The following SLC24A2 variants were observed in gnomAD, a reference collection of about 807,000 sequenced individuals.
SLC24A2 encodes sodium/potassium/calcium exchanger 2.
Under a neutral mutation model 62.0 loss-of-function variants are expected in SLC24A2, and 36 were observed. That is an observed-to-expected ratio of 0.58 (90% CI 0.44 to 0.77). SLC24A2 has a LOEUF of 0.77. Among genes scored for constraint, SLC24A2 ranks in the 30% least tolerant of loss-of-function variants. SLC24A2 has a pLI of 0.00. For synonymous variants in SLC24A2, 358 were observed against 294.0 expected (o/e 1.22, Z -2.23); for missense variants, 846 against 817.9 (o/e 1.03, Z -0.42).
At chr9:20,040,248 A>T in the SLC24A2 span, among the ~76,000 whole-genome samples, 1 of 152,210 alleles carries the variant, frequency 6.6e-6, no homozygotes, top group Non-Finnish European at 1.5e-5. Context: ...GCTATTAAAA[A>T]TCTTGGTGCT....
chr9:19,585,167 C>A (rs1836334791), intron 5 of SLC24A2, among the ~76,000 whole-genome samples: 1 of 152,120 alleles, frequency 6.6e-6, no homozygotes, highest in Non-Finnish European at 1.5e-5. Context: ...TTTTTTTCCT[C>A]ATTTCCTCTA....
chr9:19,545,477 A>C lies in SLC24A2; in HGVS notation c.1479+4660T>G, dbSNP rs151122809. ...ATCCATTTTTGTTCCATTGCTGGTGAGGAGTTGTCATCCTTGAGAAGAGGT... is the reference window on the plus strand; with the variant it reads ...ATCCATTTTTGTTCCATTGCTGGTGCGGAGTTGTCATCCTTGAGAAGAGGT... On this transcript the variant is annotated intron_variant, in intron 8 of 10. Transcript: ENST00000341998. 2.4e-3 allele frequency among the ~76,000 whole-genome samples: 363 copies of C among 151,998 alleles called. 3 individuals are homozygous for C. Among genetic ancestry groups the C allele is most frequent in the African/African-American group, 8.1e-3 (338 of 41,492 alleles).
intron 7 of SLC24A2, among the ~76,000 whole-genome samples, chr9:19,569,605 T>C (rs1056800463): frequency 3.9e-5 from 6 of 152,152 alleles, no homozygotes; most frequent in African/African-American, 1.4e-4. Context: ...TGCCCCACTA[T>C]TGCCATAAAC....
intron 2 of SLC24A2, among the ~76,000 whole-genome samples, chr9:19,626,457 G>C (rs1216366717): frequency 1.3e-5 from 2 of 152,056 alleles, no homozygotes; most frequent in Non-Finnish European, 2.9e-5. Context: ...AGATATAGAA[G>C]AACAATAAAC....
At chr9:19,766,215 C>G (rs1822510525) in intron 2 of SLC24A2, among the ~76,000 whole-genome samples, 1 of 152,184 alleles carries the variant, frequency 6.6e-6, no homozygotes. Flanking sequence ...TATCAAGGTT[C>G]TTAGCTTCCT....
intron 2 of SLC24A2, among the ~76,000 whole-genome samples, chr9:19,633,279 G>A (rs919340369): frequency 6.6e-6 from 1 of 152,212 alleles, no homozygotes; most frequent in African/African-American, 2.4e-5. Context: ...ATGAGTTTCT[G>A]TGTAACTATG....
At chr9:20,299,501 T>C in the SLC24A2 span, among the ~76,000 whole-genome samples, 1 of 152,198 alleles carries the variant, frequency 6.6e-6, no homozygotes, top group African/African-American at 2.4e-5. Context: ...GATCACTCCC[T>C]TGAGGGGGCT....
chr9:20,229,780 C>G, the SLC24A2 span, among the ~76,000 whole-genome samples: 2 of 151,794 alleles, frequency 1.3e-5, no homozygotes, highest in East Asian at 1.9e-4. Context: ...CTGTGCACAA[C>G]GTGCAGGTTT....
At chr9:20,260,738 T>C in the SLC24A2 span, among the ~76,000 whole-genome samples, 1 of 152,132 alleles carries the variant, frequency 6.6e-6, no homozygotes, top group Non-Finnish European at 1.5e-5. Flanking sequence ...GCTGAGCTTT[T>C]GGTGCACCTA....
At chr9:20,094,601 G>A in the SLC24A2 span, among the ~76,000 whole-genome samples, 19 of 152,006 alleles carry the variant, frequency 1.2e-4, no homozygotes, top group Non-Finnish European at 2.4e-4. Context: ...AAAAATCACC[G>A]GTTATTGATG....
the SLC24A2 span, among the ~76,000 whole-genome samples, chr9:20,248,411 G>C: frequency 6.6e-6 from 1 of 152,226 alleles, no homozygotes; most frequent in Non-Finnish European, 1.5e-5. Context: ...CACAGTTCTG[G>C]AGGTTGGGAA....
At chr9:19,653,493 T>A (rs1360752907) in intron 2 of SLC24A2, among the ~76,000 whole-genome samples, 1 of 152,218 alleles carries the variant, frequency 6.6e-6, no homozygotes, top group Non-Finnish European at 1.5e-5. Flanking sequence ...TGTGAATGCA[T>A]ATCCTCATGA....
At chr9:19,960,057 G>A in the SLC24A2 span, among the ~76,000 whole-genome samples, 1 of 152,192 alleles carries the variant, frequency 6.6e-6, no homozygotes, top group Non-Finnish European at 1.5e-5. Flanking sequence ...CCTGCAGAAA[G>A]TGTGTCCGTT....
At chr9:20,141,268 C>T in the SLC24A2 span, among the ~76,000 whole-genome samples, 7 of 152,062 alleles carry the variant, frequency 4.6e-5, no homozygotes, top group African/African-American at 1.7e-4. Context: ...CTATCTCTTC[C>T]ATGTCTCAGC....
In SLC24A2 at chr9:19,509,398, A is replaced by T. The variant is rs1832627238; in HGVS notation, c.*6755T>A. 6.6e-6 allele frequency: 1 copy of T among 152,160 alleles called. No individual in the cohort carries two copies. The highest frequency in any genetic ancestry group is 2.4e-5 in the African/African-American group (1 of 41,454). The allele number at this position is 152,160 out of a possible 1,614,324, so 9.4% of individuals were successfully genotyped here. On this transcript the variant is annotated 3_prime_UTR_variant, in exon 11 of 11. Transcript: ENST00000341998. ...TAGTTAATAAAAAATAGAACAGATA[A>T]ACTCCAATTTACAATAAACAATACA... is the stretch of plus-strand genomic sequence containing the variant.
the SLC24A2 span, among the ~76,000 whole-genome samples, chr9:20,087,256 C>A: frequency 2.0e-5 from 3 of 152,136 alleles, no homozygotes; most frequent in African/African-American, 7.2e-5. Context: ...TTGTTCTAAA[C>A]CCTGATGATA....
At chr9:20,146,739 A>T in the SLC24A2 span, among the ~76,000 whole-genome samples, 1 of 152,046 alleles carries the variant, frequency 6.6e-6, no homozygotes, top group African/African-American at 2.4e-5. Context: ...TGTATTTTCA[A>T]TTCCAAATGC....
chr9:19,614,331 T>A (rs1347262251), intron 4 of SLC24A2, among the ~76,000 whole-genome samples: 1 of 152,214 alleles, frequency 6.6e-6, no homozygotes, highest in Non-Finnish European at 1.5e-5. Context: ...TCATGAACAA[T>A]GTCCTGTTCA....
At chr9:19,584,878 A>T (rs1183633627) in intron 5 of SLC24A2, among the ~76,000 whole-genome samples, 1 of 152,162 alleles carries the variant, frequency 6.6e-6, no homozygotes, top group Admixed American at 6.6e-5. Flanking sequence ...GGCTACACTG[A>T]TATTAGTAAA....
Sources: gnomAD v4.1 joint callset for allele counts (sites outside exome capture counted in the v4.1 genomes callset) on GRCh38, gnomAD v4.1.1 for gene constraint, MANE v1.5 for transcripts, NCBI Gene and HGNC (gene_info 2026-07-23, HGNC 2026-07-21) for gene names.